SMIM17: variants seen among roughly 807,000 people sequenced by gnomAD.
SMIM17 encodes small integral membrane protein 17.
A neutral mutation model predicts 12.2 loss-of-function variants in SMIM17; 10 were observed. That is an observed-to-expected ratio of 0.82 (90% CI 0.50 to 1.39). The LOEUF (loss-of-function observed/expected upper bound fraction) is 1.39, where lower values mean the gene tolerates loss of function less well. Among genes scored for constraint, SMIM17 ranks in the 40% most tolerant of loss-of-function variants. The pLI is 0.00. For missense variants in SMIM17, 136 were observed against 118.2 expected, an observed-to-expected ratio of 1.15 and a Z score of -0.70; for synonymous variants, 50 against 44.1, an observed-to-expected ratio of 1.13 and a Z score of -0.53.
At position 56,645,742 on chromosome 19, in the gene SMIM17, G is replaced by C. The variant is rs528266649; in HGVS notation, c.75G>C (p.Glu25Asp). Residue 25 changes from glutamate (E) to aspartate (D), a missense_variant, in exon 2 of 4, where the codon GAG (glutamate) becomes GAC (aspartate). By Grantham distance (45) the Glu-to-Asp change is conservative. Coordinates refer to ENST00000598409, the MANE Select transcript of SMIM17 (RefSeq NM_001193628.2). ...PERTKTLLPR[E>D]SRAWEKPPHP... ...GGACCAAGACTCTGCTGCCTCGGGA[G>C]AGCCGGGCCTGGGAGAAGCCTCCTC... The C allele has an allele frequency of 2.5e-5, 38 of 1,535,880 alleles. No homozygotes were observed. The South Asian group carries it at 4.4e-4, about 18-fold the overall frequency.
chr19:56,656,021 G>A lies in SMIM17; in HGVS notation c.*808G>A, dbSNP rs1335178116. Among the ~76,000 whole-genome samples the A allele has an allele frequency of 1.4e-5, 2 of 145,752 alleles. No individual in the cohort carries two copies. The highest frequency in any genetic ancestry group is 2.5e-5 in the African/African-American group (1 of 39,358). ...GTCTGGAGTGCAGTGGCGCCATCTC[G>A]GCTCACTGTAAGCAGAGGGTTCATG... is the stretch of plus-strand genomic sequence containing the variant. On this transcript the variant is annotated 3_prime_UTR_variant, in exon 4 of 4. Coordinates refer to ENST00000598409, the MANE Select transcript of SMIM17 (RefSeq NM_001193628.2).
chr19:56,652,892 G>A (rs2045120642), intron 3 of SMIM17, among the ~76,000 whole-genome samples: 1 of 152,138 alleles, frequency 6.6e-6, no homozygotes, highest in Non-Finnish European at 1.5e-5. Flanking sequence ...CTAGCCTCCA[G>A]GGGAGAGCTG....
chr19:56,645,795 C>T lies in SMIM17; in HGVS notation c.128C>T (p.Ala43Val). Residue 43 changes from alanine (A) to valine (V), a missense_variant, in exon 2 of 4, where the codon GCT becomes GTT. Ala to Val is a moderately conservative substitution (Grantham distance 64). Coordinates refer to ENST00000598409, the MANE Select transcript of SMIM17 (RefSeq NM_001193628.2). ...CCCGCCTGCACCAAAGACTGGGAGG[C>T]TGTGGAGGTTGGGGCCTCCAGCCAT... ...PHPACTKDWE[A>V]VEVGASSHDS... The T allele has an allele frequency of 2.0e-6, 3 of 1,535,756 alleles. No individual in the cohort carries two copies. Among genetic ancestry groups the T allele is most frequent in the Non-Finnish European group, 2.6e-6 (3 of 1,146,740 alleles).
Position 56,656,202 on chromosome 19 carries a change from C to T in SMIM17, c.*989C>T, listed in dbSNP as rs991363394. 2.1e-4 allele frequency among the ~76,000 whole-genome samples: 32 copies of T among 152,158 alleles called. No homozygotes were observed. Among genetic ancestry groups the T allele is most frequent in the African/African-American group, 7.2e-4 (30 of 41,540 alleles). On this transcript the variant is annotated 3_prime_UTR_variant, in exon 4 of 4. Coordinates refer to ENST00000598409, the MANE Select transcript of SMIM17 (RefSeq NM_001193628.2). ...CTCGTGATCCGCCCGCCTTGGCCTCCCAAAGTGCTGGGATTACAGATGTGA... is the reference window on the plus strand; with the variant it reads ...CTCGTGATCCGCCCGCCTTGGCCTCTCAAAGTGCTGGGATTACAGATGTGA...
rs754886188 is a variant in SMIM17, at chr19:56,656,047, C to G, written c.*834C>G. Among the ~76,000 whole-genome samples, 32 of 150,328 alleles carry G rather than the reference C, an allele frequency of 2.1e-4. No individual in the cohort carries two copies. The highest frequency in any genetic ancestry group is 4.4e-4 in the Non-Finnish European group (30 of 67,842). On this transcript the variant is annotated 3_prime_UTR_variant, in exon 4 of 4. Coordinates refer to ENST00000598409, the MANE Select transcript of SMIM17 (RefSeq NM_001193628.2). Reference sequence around the variant, plus strand: ...GCTCACTGTAAGCAGAGGGTTCATGCCATTCTCCTGCCTCAGCCTCCCAAG... The same window carrying G: ...GCTCACTGTAAGCAGAGGGTTCATGGCATTCTCCTGCCTCAGCCTCCCAAG...
rs144414265 is a variant in SMIM17 at position 56,645,033 on chromosome 19, G to T, written c.-100-535G>T. Among the ~76,000 whole-genome samples, 164 of 152,292 alleles carry T rather than the reference G, an allele frequency of 1.1e-3. 1 individual carries two copies. The highest frequency in any genetic ancestry group is 3.4e-3 in the Middle Eastern group (1 of 294). On this transcript the variant is annotated intron_variant, in intron 1 of 3. Coordinates refer to ENST00000598409, the MANE Select transcript of SMIM17 (RefSeq NM_001193628.2). ...GCTGATTTATTTATTAATTCATGTC[G>T]TTTCCTATCCCATTTGTTATATACA... is the stretch of plus-strand genomic sequence containing the variant.
intron 3 of SMIM17, among the ~76,000 whole-genome samples, chr19:56,654,643 G>A (rs1239234789): frequency 6.6e-6 from 1 of 152,144 alleles, no homozygotes; most frequent in Non-Finnish European, 1.5e-5. Context: ...GGTAATGGGA[G>A]GAAAACTGCA....
chr19:56,646,476 T>C (rs1488180134), intron 2 of SMIM17, among the ~76,000 whole-genome samples: 1 of 152,218 alleles, frequency 6.6e-6, no homozygotes, highest in Non-Finnish European at 1.5e-5. Flanking sequence ...GCTGTTATCT[T>C]GTGGGGAGAA....
Position 56,645,640 on chromosome 19 carries a change from C to T in SMIM17, c.-28C>T. The stretch of plus-strand genomic sequence containing the variant: ...AGCAGGAGGAGAAAGAGAAGCTTGT[C>T]TCAGAAGCTCCACCTCCTCCTGGGG... On this transcript the variant is annotated 5_prime_UTR_variant, in exon 2 of 4. Coordinates refer to ENST00000598409, the MANE Select transcript of SMIM17 (RefSeq NM_001193628.2). 5.5e-6 allele frequency: 8 copies of T among 1,451,814 alleles called. No homozygotes were observed. Among genetic ancestry groups the T allele is most frequent in the Non-Finnish European group, 7.2e-6 (8 of 1,106,708 alleles). 89.9% of individuals were successfully genotyped at this position (1,451,814 alleles called of 1,614,324 possible). A position where few individuals can be genotyped will look rare whatever the true frequency, so the allele number is the denominator to read the frequency against.
Position 56,648,375 on chromosome 19 carries a change from T to TTTCATCCATCCA in SMIM17, c.246+742_246+743insTCATCCATCCAT, listed in dbSNP as rs111785584. Among the ~76,000 whole-genome samples the TTTCATCCATCCA allele has an allele frequency of 3.1e-3, 458 of 146,340 alleles. 7 individuals carry two copies. The highest frequency in any genetic ancestry group is 0.026 in the East Asian group (129 of 4,954). On this transcript the variant is annotated intron_variant, in intron 3 of 3. Coordinates refer to ENST00000598409, the MANE Select transcript of SMIM17 (RefSeq NM_001193628.2). ...CATCCCTTATGCATCCATATACCCA[T>TTTCATCCATCCA]TCCATCCATCCATCCATCCATCCAT...
intron 3 of SMIM17, among the ~76,000 whole-genome samples, chr19:56,653,651 A>G (rs1489527726): frequency 6.6e-6 from 1 of 152,192 alleles, no homozygotes; most frequent in Non-Finnish European, 1.5e-5. Flanking sequence ...GGATCCCAAG[A>G]TATTCAAAAA....
rs2045153832 is a variant in SMIM17, at chr19:56,656,585, AT to A, written c.*1376del. Among the ~76,000 whole-genome samples, 1 of 151,276 alleles carries A rather than the reference AT, an allele frequency of 6.6e-6. No individual in the cohort carries two copies. The highest frequency in any genetic ancestry group is 2.4e-5 in the African/African-American group (1 of 41,156). On this transcript the variant is annotated 3_prime_UTR_variant, in exon 4 of 4. Coordinates refer to ENST00000598409, the MANE Select transcript of SMIM17 (RefSeq NM_001193628.2). Reference sequence around the variant, plus strand: ...AATACTTGATTTATATTCTCTTTATATTTTCTATAATAGCATACTTATTAAC... The same window carrying A: ...AATACTTGATTTATATTCTCTTTATATTTCTATAATAGCATACTTATTAAC...
chr19:56,645,902 A>G lies in SMIM17; in HGVS notation c.169+66A>G. The G allele has an allele frequency of 1.3e-5, 18 of 1,433,560 alleles. No homozygotes were observed. The South Asian group carries it at 2.3e-4, about 18-fold the overall frequency. 88.8% of individuals were successfully genotyped at this position (1,433,560 alleles called of 1,614,324 possible). On this transcript the variant is annotated intron_variant, in intron 2 of 3. Transcript: ENST00000598409. ...GGAAGGAATTGGCAGAGCCTAGGGA[A>G]AGACTAAACATTCACTCCTTCACTC...
At chr19:56,645,512 G>A (rs1163198013) in intron 1 of SMIM17, 56 bp from the exon 2 acceptor site, 2 of 629,044 alleles carry the variant, frequency 3.2e-6, no homozygotes, top group Admixed American at 3.6e-5. Flanking sequence ...TTACAGTCGT[G>A]CCTAGCCCCT....
At chr19:56,652,427 G>T (rs977809482) in intron 3 of SMIM17, among the ~76,000 whole-genome samples, 6 of 152,044 alleles carry the variant, frequency 3.9e-5, no homozygotes, top group African/African-American at 1.4e-4. Flanking sequence ...GGCCGAGGTG[G>T]GTGGATTACG....
chr19:56,651,336 C>T (rs2045107695), intron 3 of SMIM17, among the ~76,000 whole-genome samples: 1 of 152,114 alleles, frequency 6.6e-6, no homozygotes, highest in African/African-American at 2.4e-5. Flanking sequence ...CCTGCCTGTG[C>T]TTGGGGCAGA....
intron 1 of SMIM17, among the ~76,000 whole-genome samples, chr19:56,644,438 T>C (rs1034444678): frequency 6.6e-6 from 1 of 152,238 alleles, no homozygotes; most frequent in Non-Finnish European, 1.5e-5. Flanking sequence ...AAAGGTGTCT[T>C]CCTGTTAAAC....
rs886894314 is a variant in SMIM17, at chr19:56,656,147, T to C, written c.*934T>C. Among the ~76,000 whole-genome samples, 8 of 151,940 alleles carry C rather than the reference T, an allele frequency of 5.3e-5. No homozygotes were observed. The highest frequency in any genetic ancestry group is 4.8e-5 in the African/African-American group (2 of 41,376). ...TTTTAGTAGAGACGGGGTTTCACCG[T>C]GTTAGCCAGGATGGTCTCGATCTCC... On this transcript the variant is annotated 3_prime_UTR_variant, in exon 4 of 4. Coordinates refer to ENST00000598409, the MANE Select transcript of SMIM17 (RefSeq NM_001193628.2).
At position 56,645,609 on chromosome 19, in the gene SMIM17, C is replaced by T. The variant is rs952871647; in HGVS notation, c.-59C>T. The stretch of plus-strand genomic sequence containing the variant: ...CTTGTGCCTGGAGAACCAGAGAGGA[C>T]CCTGGAGCAGGAGGAGAAAGAGAAG... On this transcript the variant is annotated 5_prime_UTR_variant, in exon 2 of 4. Coordinates refer to ENST00000598409, the MANE Select transcript of SMIM17 (RefSeq NM_001193628.2). 3.5e-5 allele frequency: 49 copies of T among 1,415,578 alleles called. No individual in the cohort carries two copies. The highest frequency in any genetic ancestry group is 4.4e-5 in the Non-Finnish European group (48 of 1,084,798). 87.7% of individuals were successfully genotyped at this position (1,415,578 alleles called of 1,614,324 possible).
Sources: gnomAD v4.1 joint callset for allele counts (sites outside exome capture counted in the v4.1 genomes callset) on GRCh38, gnomAD v4.1.1 for gene constraint, MANE v1.5 for transcripts, NCBI Gene and HGNC (gene_info 2026-07-23, HGNC 2026-07-21) for gene names.